Variants in MGAM observed in about 807,000 individuals in gnomAD.
MGAM encodes the protein alpha-1,4-glucosidase.
In MGAM, 253 loss-of-function variants were observed where a neutral mutation model predicts 358.8. That is an observed-to-expected ratio of 0.71 (90% CI 0.64 to 0.78). The LOEUF (loss-of-function observed/expected upper bound fraction) is 0.78. MGAM is among the 30% of genes least tolerant of loss of function. MGAM has a pLI of 0.00. For synonymous variants in MGAM, 1,105 were observed against 1,227.1 expected, an observed-to-expected ratio of 0.90 and a Z score of 2.08; for missense variants, 3,080 against 3,432.6, an observed-to-expected ratio of 0.90 and a Z score of 2.57.
intron 1 of MGAM, among the ~76,000 whole-genome samples, chr7:141,999,739 T>G (rs60906512): frequency 0.039 from 5,937 of 152,264 alleles, 377 homozygotes; most frequent in African/African-American, 0.13. Context: ...TTAAAAAACA[T>G]TTTTAAAAGC....
chr7:142,014,225 A>C (rs1805802836), intron 3 of MGAM, among the ~76,000 whole-genome samples: 1 of 152,144 alleles, frequency 6.6e-6, no homozygotes, highest in Admixed American at 6.5e-5. Context: ...AAAGTTGTAC[A>C]TTTTTCAGCA....
chr7:142,044,612 A>C (rs182940296), intron 21 of MGAM, among the ~76,000 whole-genome samples: 1 of 122,920 alleles, frequency 8.1e-6, no homozygotes, highest in East Asian at 2.2e-4. Flanking sequence ...GTAATATATG[A>C]TATATAATGT....
chr7:142,026,057 A>G (rs1457122971), intron 8 of MGAM, among the ~76,000 whole-genome samples: 2 of 152,224 alleles, frequency 1.3e-5, no homozygotes, highest in Non-Finnish European at 2.9e-5. Flanking sequence ...GATACTCTGT[A>G]TGAGTTGTTC....
chr7:142,087,058 C>G (rs142573494), intron 57 of MGAM, among the ~76,000 whole-genome samples: 4,415 of 104,910 alleles, frequency 0.042, 347 homozygotes, highest in South Asian at 0.13. Flanking sequence ...CCTAGCAGTG[C>G]CATCTTTTCT....
intron 1 of MGAM, among the ~76,000 whole-genome samples, chr7:142,001,600 G>A (rs1315796207): frequency 2.0e-5 from 3 of 152,208 alleles, no homozygotes; most frequent in Admixed American, 6.5e-5. Flanking sequence ...AGGCAAGACT[G>A]TAGCTATGGC....
chr7:142,069,767 G>A (rs1483212335), intron 43 of MGAM, among the ~76,000 whole-genome samples: 1 of 145,812 alleles, frequency 6.9e-6, no homozygotes, highest in Non-Finnish European at 1.6e-5. Context: ...CCCAGGAAGA[G>A]GTGGCCAGCT....
chr7:142,035,673 G>A (rs1807923508), intron 16 of MGAM, among the ~76,000 whole-genome samples: 1 of 152,146 alleles, frequency 6.6e-6, no homozygotes, highest in Admixed American at 6.6e-5. Flanking sequence ...ATTGGTGTGT[G>A]GGACTGGAAT....
In MGAM at chr7:142,083,120, C is replaced by T; in HGVS notation, c.6269-181C>T. ...TAAAATACACCAAAGGAAGCAAACC[C>T]AGGAATGGGACATTTAGACTTCCAC... On this transcript the variant is annotated intron_variant, in intron 52 of 70. Transcript: ENST00000475668. 1.4e-5 allele frequency among the ~76,000 whole-genome samples: 2 copies of T among 145,942 alleles called. 1 individual carries two copies. Among genetic ancestry groups the T allele is most frequent in the Non-Finnish European group, 3.1e-5 (2 of 64,440 alleles).
chr7:142,045,961 A>C (rs1449377078), intron 21 of MGAM, among the ~76,000 whole-genome samples: 1 of 127,274 alleles, frequency 7.9e-6, no homozygotes, highest in East Asian at 2.2e-4. Context: ...TTATGTATAC[A>C]TACAATATGT....
chr7:142,018,200 T>C (rs1806119001), intron 3 of MGAM, among the ~76,000 whole-genome samples: 1 of 152,170 alleles, frequency 6.6e-6, no homozygotes, highest in Non-Finnish European at 1.5e-5. Flanking sequence ...TCCAGGACTA[T>C]GGGATGATCG....
At chr7:141,996,274 C>T (rs532638018) in intron 1 of MGAM, among the ~76,000 whole-genome samples, 1 of 149,120 alleles carries the variant, frequency 6.7e-6, no homozygotes, top group Non-Finnish European at 1.5e-5. Context: ...GCACTCCAGC[C>T]TGGGTCGTAG....
At chr7:141,994,232 T>A (rs1804075868), upstream of MGAM, among the ~76,000 whole-genome samples, 1 of 152,182 alleles carries the variant, frequency 6.6e-6, no homozygotes, top group African/African-American at 2.4e-5. Context: ...AAGTTCTTCT[T>A]GCCCACTGCC....
At chr7:142,007,429 C>T (rs1805261042) in intron 2 of MGAM, among the ~76,000 whole-genome samples, 1 of 151,930 alleles carries the variant, frequency 6.6e-6, no homozygotes, top group African/African-American at 2.4e-5. Flanking sequence ...GCTTCTCTGC[C>T]CCTCCTACCC....
chr7:142,012,654 G>T (rs1805682615), intron 3 of MGAM, among the ~76,000 whole-genome samples: 1 of 152,180 alleles, frequency 6.6e-6, no homozygotes, highest in South Asian at 2.1e-4. Context: ...TTTATTATAT[G>T]TAGTGATTTT....
intron 2 of MGAM, among the ~76,000 whole-genome samples, chr7:141,988,502 T>C (rs782529279): frequency 6.6e-6 from 1 of 151,994 alleles, no homozygotes; most frequent in Non-Finnish European, 1.5e-5. Flanking sequence ...GTAGCTGAGA[T>C]AACAGGCGCC....
intron 1 of MGAM, among the ~76,000 whole-genome samples, chr7:141,996,971 AACTTAAAATAAAAT>A (rs1445870535): frequency 4.6e-5 from 7 of 152,154 alleles, no homozygotes; most frequent in African/African-American, 1.7e-4. Context: ...TAAACTTAAA[AACTTAAAATAAAAT>A]ACTTAAAATA....
intron 30 of MGAM, 27 bp downstream of exon 30, chr7:142,056,969 A>G (rs371963043): frequency 2.5e-6 from 4 of 1,608,516 alleles, no homozygotes; most frequent in South Asian, 1.1e-5. Flanking sequence ...TTGTTTATCA[A>G]GTACTTACAC....
chr7:142,030,704 G>T lies in MGAM; in HGVS notation c.1417G>T (p.Asp473Tyr). 1.2e-6 allele frequency: 2 copies of T among 1,613,104 alleles called. No homozygotes were observed. Among genetic ancestry groups the T allele is most frequent in the Non-Finnish European group, 1.7e-6 (2 of 1,179,200 alleles). ...CTATGGCCCATATGACAGGGGTTCA[G>T]ATATGAAGATATGGGTGAATAGTTC... ...KPYGPYDRGS[D>Y]MKIWVNSSDG... The change falls in exon 12 of 71, where the codon GAT becomes TAT. Residue 473 changes from aspartate (D) to tyrosine (Y), a missense_variant. Physicochemically the swap from Asp to Tyr is radical, Grantham distance 160. This residue lies in a region of MGAM where 1,816 missense variants were observed against 1,840.5 expected (regional missense o/e 0.99). Coordinates refer to ENST00000475668, the MANE Select transcript of MGAM (RefSeq NM_001365693.1).
intron 1 of MGAM, among the ~76,000 whole-genome samples, chr7:141,999,179 A>G (rs1279158877): frequency 6.6e-6 from 1 of 152,208 alleles, no homozygotes; most frequent in African/African-American, 2.4e-5. Flanking sequence ...TAATTCATGA[A>G]TGAATAAATA....
Sources: allele counts gnomAD v4.1 joint callset (sites outside exome capture counted in the v4.1 genomes callset), GRCh38; gene constraint gnomAD v4.1.1; regional missense constraint gnomAD v4.1.1; transcripts MANE v1.5; gene names NCBI Gene and HGNC (gene_info 2026-07-23, HGNC 2026-07-21).